PICK1: variants seen among roughly 807,000 people sequenced by gnomAD.
The protein encoded by PICK1 is protein interacting with PRKCA 1.
A neutral mutation model predicts 48.9 loss-of-function variants in PICK1; 23 were observed. The observed-to-expected ratio is 0.47, with a 90% CI of 0.34 to 0.67. PICK1 has a LOEUF of 0.67. PICK1 is among the 30% of genes least tolerant of loss of function. The pLI is 0.01. For missense variants in PICK1, 423 were observed against 557.1 expected (o/e 0.76, Z 2.42); for synonymous variants, 217 against 228.2 (o/e 0.95, Z 0.44).
rs538199087 is a variant in PICK1, at chr22:38,075,284, G to A, written c.*152G>A. Reference sequence around the variant, plus strand: ...CCTCTGTCCTCGCACAGCGAACCTGGGCTCCTGCCCAGGACAGGCACCAGG... The same window carrying A: ...CCTCTGTCCTCGCACAGCGAACCTGAGCTCCTGCCCAGGACAGGCACCAGG... On this transcript the variant is annotated 3_prime_UTR_variant, in exon 13 of 13. Transcript: ENST00000356976. 4.4e-4 allele frequency: 328 copies of A among 738,296 alleles called. 2 individuals carry two copies. The highest frequency in any genetic ancestry group is 6.1e-4 in the Non-Finnish European group (283 of 463,728). The allele number at this position is 738,296 out of a possible 1,614,324, so 45.7% of individuals were successfully genotyped here.
At position 38,069,132 on chromosome 22, in the gene PICK1, T is replaced by C. The variant is rs368517908; in HGVS notation, c.439+10T>C. 13 of 1,596,246 alleles carry C rather than the reference T, an allele frequency of 8.1e-6. No homozygotes were observed. In the African/African-American group the frequency reaches 1.3e-4, roughly 17 times the overall value. On this transcript the variant is annotated intron_variant, in intron 6 of 12. Transcript: ENST00000356976. Reference sequence around the variant, plus strand: ...GCCATCCTGTGCAATGGTGAGTCCCTTCCCACCCAGCTGGGGCCCCGGGGA... The same window carrying C: ...GCCATCCTGTGCAATGGTGAGTCCCCTCCCACCCAGCTGGGGCCCCGGGGA...
chr22:38,060,987 G>C lies in PICK1; in HGVS notation c.153+1642G>C, dbSNP rs539339279. Among the ~76,000 whole-genome samples, 16 of 151,982 alleles carry C rather than the reference G, an allele frequency of 1.1e-4. No individual in the cohort carries two copies. The South Asian group carries it at 3.1e-3, about 30-fold the overall frequency. ...TGGTCTCGAACTCCTGGCCTCAAGC[G>C]ATCCACCCACCTCAGCCTCCCAAAG... On this transcript the variant is annotated intron_variant, in intron 3 of 12. Coordinates refer to ENST00000356976, the MANE Select transcript of PICK1 (RefSeq NM_012407.4).
chr22:38,057,864 T>TC lies in PICK1; in HGVS notation c.41+19dup. 1 of 1,606,912 alleles carries TC rather than the reference T, an allele frequency of 6.2e-7. No homozygotes were observed. Among genetic ancestry groups the TC allele is most frequent in the Non-Finnish European group, 8.5e-7 (1 of 1,173,430 alleles). On this transcript the variant is annotated intron_variant, in intron 2 of 12. Transcript: ENST00000356976. Reference sequence around the variant, plus strand: ...AGAGGATAAACTGTGAGTATTTTATTCCCCCAAGTTCCAGCAGTATAGGAG... The same window carrying TC: ...AGAGGATAAACTGTGAGTATTTTATTCCCCCCAAGTTCCAGCAGTATAGGAG...
intron 8 of PICK1, chr22:38,071,978 A>G (rs2085708456): frequency 5.1e-6 from 3 of 591,008 alleles, no homozygotes; most frequent in East Asian, 5.8e-5. Context: ...TGCCACTGGC[A>G]GTACACAAGG....
chr22:38,068,577 T>G (rs2145873699), intron 5 of PICK1, among the ~76,000 whole-genome samples: 1 of 152,278 alleles, frequency 6.6e-6, no homozygotes, highest in Middle Eastern at 3.4e-3. Flanking sequence ...GCTGGTCAGA[T>G]GCAGTAACTG....
In PICK1 at chr22:38,074,566, C is replaced by T. The variant is rs1261239551; in HGVS notation, c.979+115C>T. 2.1e-6 allele frequency: 3 copies of T among 1,413,700 alleles called. No individual in the cohort carries two copies. In the Admixed American group the frequency reaches 5.9e-5, roughly 28 times the overall value. 87.6% of individuals were successfully genotyped at this position (1,413,700 alleles called of 1,614,324 possible). On this transcript the variant is annotated intron_variant, in intron 12 of 12. Transcript: ENST00000356976. This position sits in a 1 kb window ranked among gnomAD's most constrained non-coding sequence, Gnocchi z 4.5. Reference sequence around the variant, plus strand: ...CCAGATGTAAAGCCCCTCCAGGAGCCCAGCCATCTGCCCAGAGCCTGGCCT... The same window carrying T: ...CCAGATGTAAAGCCCCTCCAGGAGCTCAGCCATCTGCCCAGAGCCTGGCCT...
chr22:38,063,051 G>A (rs967198325), intron 3 of PICK1, among the ~76,000 whole-genome samples: 5 of 152,212 alleles, frequency 3.3e-5, no homozygotes, highest in Admixed American at 2.0e-4. Flanking sequence ...GGGCGTCATC[G>A]GGAACACCAT....
At position 38,074,157 on chromosome 22, in the gene PICK1, C is replaced by G; in HGVS notation, c.835-150C>G. On this transcript the variant is annotated intron_variant, in intron 11 of 12. Coordinates refer to ENST00000356976, the MANE Select transcript of PICK1 (RefSeq NM_012407.4). The surrounding 1 kb of genome is among the most constrained non-coding windows in gnomAD (Gnocchi z 4.5). ...GGCAGAGGTTTGGGTTTGGTTTTTT[C>G]CTCTCTTCAAAGCTATCACTGAGTG... 5 of 942,706 alleles carry G rather than the reference C, an allele frequency of 5.3e-6. No individual in the cohort carries two copies. Among genetic ancestry groups the G allele is most frequent in the Non-Finnish European group, 7.9e-6 (5 of 630,866 alleles). The allele number at this position is 942,706 out of a possible 1,614,324, so 58.4% of individuals were successfully genotyped here.
chr22:38,068,030 A>G, intron 5 of PICK1: 2 of 599,180 alleles, frequency 3.3e-6, no homozygotes, highest in Non-Finnish European at 6.5e-6. Context: ...TGCTTCTGCC[A>G]TCTCCTCTGG....
chr22:38,075,363 TC>T lies in PICK1; in HGVS notation c.*235del, dbSNP rs1404732334. Reference sequence around the variant, plus strand: ...CCTCCACCCTCCCTCCCCTCCCGGCTCCCCGGCCAGAGGGAGAGCTTGGTCT... The same window carrying T: ...CCTCCACCCTCCCTCCCCTCCCGGCTCCCGGCCAGAGGGAGAGCTTGGTCT... On this transcript the variant is annotated 3_prime_UTR_variant, in exon 13 of 13. Coordinates refer to ENST00000356976, the MANE Select transcript of PICK1 (RefSeq NM_012407.4). The T allele has an allele frequency of 5.6e-6, 3 of 535,566 alleles. No individual in the cohort carries two copies. The Admixed American group carries it at 9.6e-5, about 17-fold the overall frequency. 33.2% of individuals were successfully genotyped at this position (535,566 alleles called of 1,614,324 possible).
In PICK1 at chr22:38,073,683, C is replaced by A; in HGVS notation, c.784-90C>A. On this transcript the variant is annotated intron_variant, in intron 10 of 12. Coordinates refer to ENST00000356976, the MANE Select transcript of PICK1 (RefSeq NM_012407.4). The surrounding 1 kb of genome is among the most constrained non-coding windows in gnomAD (Gnocchi z 5.7). ...GGACTCCCTGAACACCTGCGCCAGC[C>A]TCTCCTGCTGCGTGTGGGTGATGGG... 2 of 1,202,178 alleles carry A rather than the reference C, an allele frequency of 1.7e-6. No homozygotes were observed. Among genetic ancestry groups the A allele is most frequent in the Non-Finnish European group, 2.5e-6 (2 of 806,262 alleles). The allele number at this position is 1,202,178 out of a possible 1,614,324, so 74.5% of individuals were successfully genotyped here. A position where few individuals can be genotyped will look rare whatever the true frequency, so the allele number is the denominator to read the frequency against.
chr22:38,072,720 G>C, intron 9 of PICK1, 110 bp downstream of exon 9: 1 of 1,477,908 alleles, frequency 6.8e-7, no homozygotes, highest in Non-Finnish European at 9.3e-7. Flanking sequence ...ACAGCCTCTG[G>C]CTCAGTCACC....
At chr22:38,071,183 C>T (rs2085677383) in intron 7 of PICK1, among the ~76,000 whole-genome samples, 1 of 152,072 alleles carries the variant, frequency 6.6e-6, no homozygotes, top group African/African-American at 2.4e-5. Context: ...GCCATCTCTA[C>T]TGAAAATACA....
At position 38,075,356 on chromosome 22, in the gene PICK1, T is replaced by G; in HGVS notation, c.*224T>G. The stretch of plus-strand genomic sequence containing the variant: ...ACTGGCCCCTCCACCCTCCCTCCCC[T>G]CCCGGCTCCCCGGCCAGAGGGAGAG... On this transcript the variant is annotated 3_prime_UTR_variant, in exon 13 of 13. Transcript: ENST00000356976. The G allele has an allele frequency of 1.8e-6, 1 of 541,758 alleles. No individual in the cohort carries two copies. The highest frequency in any genetic ancestry group is 2.8e-5 in the South Asian group (1 of 36,002). 33.6% of individuals were successfully genotyped at this position (541,758 alleles called of 1,614,324 possible). A position where few individuals can be genotyped will look rare whatever the true frequency, so the allele number is the denominator to read the frequency against.
intron 5 of PICK1, 118 bp from the exon 6 acceptor site, chr22:38,068,915 C>T: frequency 1.2e-6 from 1 of 808,156 alleles, no homozygotes; most frequent in Non-Finnish European, 2.1e-6. Context: ...ACTTCACAGC[C>T]ACCCCCAGCA....
At chr22:38,065,699 C>T (rs1230659007) in intron 4 of PICK1, among the ~76,000 whole-genome samples, 3 of 152,226 alleles carry the variant, frequency 2.0e-5, no homozygotes, top group Non-Finnish European at 4.4e-5. Context: ...TTCCCCCACC[C>T]CTGCCGCTCC....
In PICK1 at chr22:38,073,663, C is replaced by T; in HGVS notation, c.784-110C>T. The T allele has an allele frequency of 9.9e-7, 1 of 1,011,720 alleles. No homozygotes were observed. Among genetic ancestry groups the T allele is most frequent in the Non-Finnish European group, 1.6e-6 (1 of 634,676 alleles). 62.7% of individuals were successfully genotyped at this position (1,011,720 alleles called of 1,614,324 possible). ...ACCTGCCGCTGCCCGCTCTGGGACT[C>T]CCTGAACACCTGCGCCAGCCTCTCC... On this transcript the variant is annotated intron_variant, in intron 10 of 12. Transcript: ENST00000356976. The surrounding 1 kb of genome is among the most constrained non-coding windows in gnomAD (Gnocchi z 5.7).
At chr22:38,058,894 C>T (rs1157926304) in intron 2 of PICK1, among the ~76,000 whole-genome samples, 1 of 152,176 alleles carries the variant, frequency 6.6e-6, no homozygotes, top group Non-Finnish European at 1.5e-5. Flanking sequence ...GTAGTCCCAG[C>T]TACTTGGGCG....
intron 3 of PICK1, among the ~76,000 whole-genome samples, chr22:38,064,523 AGGCC>A (rs773485960): frequency 5.3e-5 from 8 of 151,800 alleles, no homozygotes; most frequent in Non-Finnish European, 1.0e-4. Flanking sequence ...GCACTTTGGG[AGGCC>A]AAAGCAGGTG....
Sources: gnomAD v4.1 joint callset for allele counts (sites outside exome capture counted in the v4.1 genomes callset) on GRCh38, gnomAD v4.1.1 for gene constraint, Gnocchi (gnomAD v3.1) non-coding constraint, MANE v1.5 for transcripts, NCBI Gene and HGNC (gene_info 2026-07-23, HGNC 2026-07-21) for gene names.